DGKD: variants seen among roughly 807,000 people sequenced by gnomAD.
DGKD encodes the protein diacylglycerol kinase delta, also known as DAG kinase delta.
A neutral mutation model predicts 154.4 loss-of-function variants in DGKD; 68 were observed. The observed-to-expected ratio is 0.44, with a 90% CI of 0.36 to 0.54. The LOEUF is 0.54. DGKD is among the 20% of genes least tolerant of loss of function. The pLI is 0.00. For synonymous variants in DGKD, 693 were observed against 638.0 expected, an observed-to-expected ratio of 1.09 and a Z score of -1.30; for missense variants, 1,343 against 1,593.6, an observed-to-expected ratio of 0.84 and a Z score of 2.68.
chr2:233,357,630 G>C (rs558461381), intron 1 of DGKD, among the ~76,000 whole-genome samples: 17 of 150,638 alleles, frequency 1.1e-4, no homozygotes, highest in African/African-American at 3.9e-4. Context: ...TTTGCCTCCT[G>C]GGCTTAAGTG....
At chr2:233,392,199 A>C (rs1703669300) in intron 3 of DGKD, 1 of 152,008 alleles carries the variant, frequency 6.6e-6, no homozygotes, top group African/African-American at 2.4e-5. Context: ...TAATCTTCGT[A>C]ATTTTAGTAG....
chr2:233,398,321 A>G (rs2061474324), intron 3 of DGKD, among the ~76,000 whole-genome samples: 1 of 149,708 alleles, frequency 6.7e-6, no homozygotes, highest in Admixed American at 6.7e-5. Flanking sequence ...TTTTTTTTGT[A>G]TTTTTAGTAG....
At chr2:233,391,941 G>A (rs1157157454) in intron 3 of DGKD, 1 of 152,160 alleles carries the variant, frequency 6.6e-6, no homozygotes, top group African/African-American at 2.4e-5. Flanking sequence ...CACATAAATA[G>A]ATTTTTCTTT....
chr2:233,384,161 G>T (rs1024511294), intron 1 of DGKD, among the ~76,000 whole-genome samples: 3 of 152,058 alleles, frequency 2.0e-5, no homozygotes, highest in Non-Finnish European at 4.4e-5. Context: ...ATTTGATCTG[G>T]CTTCGACCCC....
intron 3 of DGKD, among the ~76,000 whole-genome samples, chr2:233,405,947 A>T (rs1353257360): frequency 6.6e-6 from 1 of 152,242 alleles, no homozygotes; most frequent in Non-Finnish European, 1.5e-5. Flanking sequence ...TGGCTTCCAT[A>T]GCAAATTATC....
intron 3 of DGKD, among the ~76,000 whole-genome samples, chr2:233,391,410 T>TCC (rs1413909870): frequency 2.8e-5 from 4 of 143,506 alleles, no homozygotes; most frequent in African/African-American, 1.1e-4. Context: ...CTGTGTTTTT[T>TCC]TCCCCCCCCA....
intron 24 of DGKD, among the ~76,000 whole-genome samples, chr2:233,461,315 C>A (rs2063633655): frequency 6.6e-6 from 1 of 152,236 alleles, no homozygotes; most frequent in Admixed American, 6.5e-5. Context: ...ACAGGTGCAC[C>A]CGTCGGTTTT....
intron 24 of DGKD, 42 bp from the exon 25 acceptor site, chr2:233,462,306 C>G (rs1327062787): frequency 8.6e-6 from 13 of 1,515,774 alleles, no homozygotes; most frequent in Non-Finnish European, 1.2e-5. Context: ...GGCTGCCCTT[C>G]CATTTGGCCT....
chr2:233,390,372 T>A, intron 2 of DGKD, 31 bp from the exon 3 acceptor site: 1 of 1,587,706 alleles, frequency 6.3e-7, no homozygotes, highest in Non-Finnish European at 8.6e-7. Flanking sequence ...TGTCTTTATG[T>A]GCCTTAGTCC....
At chr2:233,380,927 C>G (rs1430637929) in intron 1 of DGKD, among the ~76,000 whole-genome samples, 1 of 152,034 alleles carries the variant, frequency 6.6e-6, no homozygotes, top group Non-Finnish European at 1.5e-5. Context: ...GGGACATGGT[C>G]GTTTTTAATA....
rs1463248273 is a variant in DGKD, at chr2:233,449,974, T to C, written c.1889-8T>C. ...GCGTGCTCAGCCGCACACACTCTCC[T>C]TGCACAGCTGTCGATGAGCAGAATG... On this transcript the variant is annotated splice_polypyrimidine_tract_variant and splice_region_variant and intron_variant, in intron 15 of 29. Transcript: ENST00000264057. This position sits in a 1 kb window ranked among gnomAD's most constrained non-coding sequence, Gnocchi z 5.3. 21 of 1,590,510 alleles carry C rather than the reference T, an allele frequency of 1.3e-5. No homozygotes were observed. Among genetic ancestry groups the C allele is most frequent in the Non-Finnish European group, 1.8e-5 (21 of 1,167,392 alleles).
intron 27 of DGKD, among the ~76,000 whole-genome samples, 156 bp downstream of exon 27, chr2:233,464,439 T>C (rs952640805): frequency 6.6e-6 from 1 of 152,248 alleles, no homozygotes; most frequent in African/African-American, 2.4e-5. Flanking sequence ...ATTAAAATGC[T>C]CTTTAAGGCA....
intron 3 of DGKD, among the ~76,000 whole-genome samples, chr2:233,432,987 T>C (rs758851319): frequency 4.6e-5 from 7 of 152,234 alleles, no homozygotes; most frequent in Non-Finnish European, 1.0e-4. Context: ...CGTACACTGC[T>C]GGTAGGATTG....
At chr2:233,447,198 C>G (rs1376789694) in intron 12 of DGKD, among the ~76,000 whole-genome samples, 3 of 149,628 alleles carry the variant, frequency 2.0e-5, no homozygotes, top group Admixed American at 1.3e-4. Context: ...CCTAGCCCCC[C>G]GGCTCCTGCC....
intron 19 of DGKD, among the ~76,000 whole-genome samples, chr2:233,455,088 A>G (rs2063413457): frequency 1.3e-5 from 2 of 152,242 alleles, no homozygotes; most frequent in African/African-American, 4.8e-5. Flanking sequence ...GGGAAATTCA[A>G]CATCGGAAAA....
Position 233,467,031 on chromosome 2 carries a change from T to C in DGKD, c.3307-55T>C, listed in dbSNP as rs531466458. On this transcript the variant is annotated intron_variant, in intron 27 of 29. Transcript: ENST00000264057. The stretch of plus-strand genomic sequence containing the variant: ...CCAGCCTCTCTGGTGGAGATGGGCA[T>C]GAGGCCGTGATCAGTTGCAGCCTGA... The C allele has an allele frequency of 4.2e-5, 59 of 1,405,570 alleles. 1 individual carries two copies. In the African/African-American group the frequency reaches 7.3e-4, roughly 17 times the overall value. 87.1% of individuals were successfully genotyped at this position (1,405,570 alleles called of 1,614,324 possible). A position where few individuals can be genotyped will look rare whatever the true frequency, so the allele number is the denominator to read the frequency against.
At chr2:233,355,442 C>T (rs554465475) in intron 1 of DGKD, among the ~76,000 whole-genome samples, 2 of 152,358 alleles carry the variant, frequency 1.3e-5, no homozygotes, top group African/African-American at 2.4e-5. Context: ...AACACTGCTT[C>T]CTCAGGCAGG....
At chr2:233,433,985 T>G (rs990740143) in intron 3 of DGKD, among the ~76,000 whole-genome samples, 2 of 152,236 alleles carry the variant, frequency 1.3e-5, no homozygotes, top group African/African-American at 4.8e-5. Flanking sequence ...CTGAGCAGAC[T>G]TCCCTCAACT....
rs781249681 is a variant in DGKD at position 233,372,619 on chromosome 2, T to TC, written c.157-15637dup. Among the ~76,000 whole-genome samples, 72 of 152,172 alleles carry TC rather than the reference T, an allele frequency of 4.7e-4. 1 individual carries two copies. The highest frequency in any genetic ancestry group is 8.4e-4 in the Non-Finnish European group (57 of 68,032). On this transcript the variant is annotated intron_variant, in intron 1 of 29. Transcript: ENST00000264057. ...TTTTTTTTTTAATTTTTATTTTTTT[T>TC]CTTACATTTAAGGGAGATCTGGCCA... is the stretch of plus-strand genomic sequence containing the variant.
Sources: gnomAD v4.1 joint callset for allele counts (sites outside exome capture counted in the v4.1 genomes callset) on GRCh38, gnomAD v4.1.1 for gene constraint, Gnocchi (gnomAD v3.1) non-coding constraint, MANE v1.5 for transcripts, NCBI Gene and HGNC (gene_info 2026-07-23, HGNC 2026-07-21) for gene names.